The following SMAD6 variants were observed in gnomAD, a reference collection of about 807,000 sequenced individuals.
The protein encoded by SMAD6 is MAD homolog 6.
Under a neutral mutation model 39.4 loss-of-function variants are expected in SMAD6, and 103 were observed. The ratio of observed to expected loss-of-function variants is 2.62; its 90% confidence interval spans 2.23 to 3.08. SMAD6 has a LOEUF of 3.08. Ranked by LOEUF, SMAD6 falls within the 30% of genes most tolerant of loss-of-function variation. The pLI is 0.00. For missense variants in SMAD6, 1,104 were observed against 742.9 expected (o/e 1.49, Z -5.65); for synonymous variants, 445 against 353.3 (o/e 1.26, Z -2.91).
chr15:66,721,829 A>T (rs2439396), intron 3 of SMAD6, among the ~76,000 whole-genome samples: 1 of 152,082 alleles, frequency 6.6e-6, no homozygotes, highest in Non-Finnish European at 1.5e-5. Flanking sequence ...AAACAATAAC[A>T]AGAGGCGGTC....
intron 3 of SMAD6, among the ~76,000 whole-genome samples, chr15:66,742,096 G>A (rs1476260889): frequency 1.3e-5 from 2 of 152,172 alleles, no homozygotes; most frequent in East Asian, 1.9e-4. Context: ...GTGAGCAGGC[G>A]GGTAGTCACT....
intron 3 of SMAD6, among the ~76,000 whole-genome samples, chr15:66,769,529 C>G (rs1271816532): frequency 6.6e-6 from 1 of 152,116 alleles, no homozygotes; most frequent in Non-Finnish European, 1.5e-5. Context: ...AGCTAAGCGG[C>G]CTGGTGGCAG....
In SMAD6 at chr15:66,707,349, C is replaced by CGA. The variant is rs1332603497; in HGVS notation, c.817+3285_817+3286dup. On this transcript the variant is annotated intron_variant, in intron 1 of 3. Coordinates refer to ENST00000288840, the MANE Select transcript of SMAD6 (RefSeq NM_005585.5). Reference sequence around the variant, plus strand: ...TTGCGCCCGGGGAAGAGAGACAGAGCGAGAGAGAGAGAACTTCTAAACGAC... The same window carrying CGA: ...TTGCGCCCGGGGAAGAGAGACAGAGCGAGAGAGAGAGAGAACTTCTAAACGAC... The CGA allele has an allele frequency of 4.6e-5, 7 of 151,764 alleles. No individual in the cohort carries two copies. The East Asian group carries it at 9.7e-4, about 21-fold the overall frequency. 9.4% of individuals were successfully genotyped at this position (151,764 alleles called of 1,614,324 possible). A position where few individuals can be genotyped will look rare whatever the true frequency, so the allele number is the denominator to read the frequency against.
At chr15:66,708,360 G>A (rs547016533) in intron 1 of SMAD6, 1 of 177,982 alleles carries the variant, frequency 5.6e-6, no homozygotes, top group Admixed American at 5.4e-5. Flanking sequence ...CACCCACCAA[G>A]TGTCCCACCT....
intron 2 of SMAD6, among the ~76,000 whole-genome samples, chr15:66,712,970 A>G (rs138823561): frequency 2.0e-5 from 3 of 152,240 alleles, no homozygotes; most frequent in Non-Finnish European, 2.9e-5. Context: ...TTGTGCCACT[A>G]CACTCCAGTC....
At chr15:66,758,503 G>A (rs28548632) in intron 3 of SMAD6, among the ~76,000 whole-genome samples, 9,904 of 152,214 alleles carry the variant, frequency 0.065, 462 homozygotes, top group African/African-American at 0.12. Context: ...CGAGGTGGAC[G>A]GATCATCTGA....
intron 3 of SMAD6, among the ~76,000 whole-genome samples, 193 bp from the exon 4 acceptor site, chr15:66,780,804 G>A (rs1177110309): frequency 6.6e-6 from 1 of 152,218 alleles, no homozygotes; most frequent in Non-Finnish European, 1.5e-5. Context: ...GTGAGCTTGT[G>A]TGTGTGAAAG....
chr15:66,729,615 C>T (rs1208393908), intron 3 of SMAD6, among the ~76,000 whole-genome samples: 2 of 152,198 alleles, frequency 1.3e-5, no homozygotes, highest in East Asian at 1.9e-4. Flanking sequence ...CGCCGGGCCC[C>T]TCTGACAGCG....
chr15:66,714,974 G>A (rs1426738806), intron 2 of SMAD6, among the ~76,000 whole-genome samples: 2 of 151,556 alleles, frequency 1.3e-5, no homozygotes, highest in African/African-American at 4.9e-5. Context: ...AGCACTTTGG[G>A]AACATTAGGT....
intron 3 of SMAD6, among the ~76,000 whole-genome samples, chr15:66,761,336 G>A (rs1420371084): frequency 6.6e-6 from 1 of 152,200 alleles, no homozygotes; most frequent in Non-Finnish European, 1.5e-5. Flanking sequence ...GACTTCCTGT[G>A]TCTTACAATG....
chr15:66,777,327 G>C (rs930011185), intron 3 of SMAD6, among the ~76,000 whole-genome samples: 1 of 152,128 alleles, frequency 6.6e-6, no homozygotes, highest in Non-Finnish European at 1.5e-5. Context: ...TCCCCGTGGG[G>C]TGTGGGGTGG....
chr15:66,718,975 AAAT>A (rs1309247870), intron 3 of SMAD6, among the ~76,000 whole-genome samples: 2 of 152,218 alleles, frequency 1.3e-5, no homozygotes, highest in African/African-American at 4.8e-5. Flanking sequence ...GTCTAAGGAC[AAAT>A]AATGATGATG....
rs112733273 is a variant in SMAD6 at position 66,755,610 on chromosome 15, T to G, written c.953-25387T>G. Among the ~76,000 whole-genome samples the G allele has an allele frequency of 3.8e-3, 578 of 152,286 alleles. 4 individuals carry two copies. The highest frequency in any genetic ancestry group is 0.013 in the African/African-American group (547 of 41,550). Reference sequence around the variant, plus strand: ...AGGATCTTCAGTGTTGAAGGCTGTGTCTGCAATTGCTTACGGGTTCATGAA... The same window carrying G: ...AGGATCTTCAGTGTTGAAGGCTGTGGCTGCAATTGCTTACGGGTTCATGAA... On this transcript the variant is annotated intron_variant, in intron 3 of 3. Transcript: ENST00000288840.
rs62005619 is a variant in SMAD6, at chr15:66,702,492, C to T, written c.-767C>T. On this transcript the variant is annotated 5_prime_UTR_variant, in exon 1 of 4. Transcript: ENST00000288840. ...CGAAGCGTCCGAGGGCAGCGTGGGG[C>T]GGGCTGCGACCTCTGCATCGGTGGA... is the stretch of plus-strand genomic sequence containing the variant. 0.22 allele frequency: 32,771 copies of T among 152,224 alleles called. 3,625 individuals are homozygous for T. The highest frequency in any genetic ancestry group is 0.34 in the Middle Eastern group (101 of 294). The allele number at this position is 152,224 out of a possible 1,614,324, so 9.4% of individuals were successfully genotyped here. A position where few individuals can be genotyped will look rare whatever the true frequency, so the allele number is the denominator to read the frequency against.
In SMAD6 at chr15:66,750,180, A is replaced by G. The variant is rs1893978760; in HGVS notation, c.953-30817A>G. Among the ~76,000 whole-genome samples the G allele has an allele frequency of 2.6e-5, 4 of 152,184 alleles. No homozygotes were observed. The South Asian group carries it at 8.3e-4, about 32-fold the overall frequency. On this transcript the variant is annotated intron_variant, in intron 3 of 3. Transcript: ENST00000288840. ...CTTTTTACAGATAGATAGCAGAGCA[A>G]TGTGACCTTGGGCCAGTCACCACTG...
At chr15:66,746,508 G>C (rs187292889) in intron 3 of SMAD6, among the ~76,000 whole-genome samples, 2 of 152,134 alleles carry the variant, frequency 1.3e-5, no homozygotes, top group African/African-American at 2.4e-5. Flanking sequence ...TTTGCTCTAG[G>C]GGGGTGGGGG....
At chr15:66,717,259 C>T (rs1261307060) in intron 3 of SMAD6, 1 of 599,802 alleles carries the variant, frequency 1.7e-6, no homozygotes, top group South Asian at 1.5e-5. Context: ...GCCCCTCAGG[C>T]TGGGGCTGCA....
chr15:66,725,982 T>C (rs939191024), intron 3 of SMAD6, among the ~76,000 whole-genome samples: 1 of 152,164 alleles, frequency 6.6e-6, no homozygotes, highest in Non-Finnish European at 1.5e-5. Context: ...CACTGCCTTA[T>C]GTATGACATT....
chr15:66,766,342 C>G (rs1380600771), intron 3 of SMAD6, among the ~76,000 whole-genome samples: 1 of 152,202 alleles, frequency 6.6e-6, no homozygotes, highest in African/African-American at 2.4e-5. Context: ...CCAGGACGCA[C>G]TCTGTGAAGA....
Sources: allele counts gnomAD v4.1 joint callset (sites outside exome capture counted in the v4.1 genomes callset), GRCh38; gene constraint gnomAD v4.1.1; transcripts MANE v1.5; gene names NCBI Gene and HGNC (gene_info 2026-07-23, HGNC 2026-07-21).